Variants in PRKCH observed in about 807,000 individuals in gnomAD.
PRKCH encodes protein kinase C eta type.
In PRKCH, 28 loss-of-function variants were observed where a neutral mutation model predicts 82.5. The ratio of observed to expected loss-of-function variants is 0.34; its 90% confidence interval spans 0.25 to 0.47. The LOEUF is 0.47. Among genes scored for constraint, PRKCH ranks in the 20% least tolerant of loss-of-function variants. PRKCH has a pLI of 1.00. For missense variants in PRKCH, 705 were observed against 881.8 expected (o/e 0.80, Z 2.54); for synonymous variants, 322 against 327.4 (o/e 0.98, Z 0.18).
chr14:61,445,712 G>T lies in PRKCH; in HGVS notation c.599G>T (p.Gly200Val), dbSNP rs1479989688. 6.2e-7 allele frequency: 1 copy of T among 1,610,282 alleles called. No homozygotes were observed. Among genetic ancestry groups the T allele is most frequent in the Non-Finnish European group, 8.5e-7 (1 of 1,176,518 alleles). The change falls in exon 4 of 14, where the codon GGT becomes GTT. Residue 200 changes from glycine to valine, a missense_variant. This residue lies in a region of PRKCH where 246 missense variants were observed against 308.0 expected (regional missense o/e 0.80). Transcript: ENST00000332981. The part of the protein sequence containing the change: ...EFIWGVFGKQ[G>V]YQCQVCTCVV... ...AACAGGGGAGTGTTTGGGAAACAGG[G>T]TTATCAGTGCCAAGGTAAGGAAACA...
chr14:61,210,209 G>A (rs2044563803), intron 1 of PRKCH, among the ~76,000 whole-genome samples: 1 of 145,848 alleles, frequency 6.9e-6, no homozygotes, highest in African/African-American at 2.5e-5. Flanking sequence ...AGCTTTTCAG[G>A]AGGCTGAGGC....
intron 1 of PRKCH, among the ~76,000 whole-genome samples, chr14:61,240,594 C>T (rs539315372): frequency 2.6e-5 from 4 of 152,078 alleles, no homozygotes; most frequent in South Asian, 2.1e-4. Context: ...AAGCCTCTTT[C>T]GGTTAGAAAG....
chr14:61,451,180 T>G (rs1482546958), intron 6 of PRKCH, among the ~76,000 whole-genome samples: 1 of 152,192 alleles, frequency 6.6e-6, no homozygotes, highest in Non-Finnish European at 1.5e-5. Flanking sequence ...TCATAGGACA[T>G]TAAGTCAAAT....
intron 1 of PRKCH, among the ~76,000 whole-genome samples, chr14:61,203,067 G>C (rs960333100): frequency 2.0e-5 from 3 of 151,942 alleles, no homozygotes; most frequent in African/African-American, 7.3e-5. Context: ...TGATTATCCT[G>C]CTTGCCCTGC....
intron 1 of PRKCH, among the ~76,000 whole-genome samples, chr14:61,286,183 C>T (rs1033026589): frequency 6.6e-6 from 1 of 152,116 alleles, no homozygotes; most frequent in Non-Finnish European, 1.5e-5. Flanking sequence ...AAGATTGTTG[C>T]CTATTACTCT....
chr14:61,412,752 G>T (rs942697192), intron 2 of PRKCH, among the ~76,000 whole-genome samples: 2 of 152,142 alleles, frequency 1.3e-5, no homozygotes, highest in Non-Finnish European at 2.9e-5. Context: ...ACACCTGAAA[G>T]CCCCTTCCCA....
chr14:61,277,950 G>A (rs544963572), intron 1 of PRKCH: 3 of 152,232 alleles, frequency 2.0e-5, no homozygotes, highest in Middle Eastern at 3.4e-3. Context: ...TAAGATCATC[G>A]TTCAAAAGAA....
intron 1 of PRKCH, among the ~76,000 whole-genome samples, chr14:61,332,956 T>A (rs1015630850): frequency 4.6e-5 from 7 of 152,210 alleles, no homozygotes; most frequent in Admixed American, 1.3e-4. Context: ...CTGGTAATGG[T>A]TCCGTTGGAC....
chr14:61,532,012 C>T (rs2043049156), intron 12 of PRKCH, among the ~76,000 whole-genome samples: 2 of 152,218 alleles, frequency 1.3e-5, no homozygotes, highest in Admixed American at 6.5e-5. Context: ...ACAGCCTCAT[C>T]GTGCTGCAGA....
intron 1 of PRKCH, among the ~76,000 whole-genome samples, chr14:61,215,890 A>G (rs1334716399): frequency 6.6e-6 from 1 of 152,188 alleles, no homozygotes; most frequent in African/African-American, 2.4e-5. Flanking sequence ...AATATAGAAT[A>G]CCCTTGTGCC....
At chr14:61,516,316 A>G (rs1326935559) in intron 10 of PRKCH, among the ~76,000 whole-genome samples, 2 of 152,226 alleles carry the variant, frequency 1.3e-5, no homozygotes, top group Admixed American at 1.3e-4. Flanking sequence ...ATGTTAGTCC[A>G]GTCATCTGCT....
At chr14:61,392,923 G>A (rs1308231662) in intron 2 of PRKCH, among the ~76,000 whole-genome samples, 1 of 151,396 alleles carries the variant, frequency 6.6e-6, no homozygotes, top group East Asian at 1.9e-4. Flanking sequence ...ATTTGTGTGT[G>A]ATGTTACAGA....
chr14:61,545,310 T>A (rs2043240790), intron 12 of PRKCH: 1 of 152,226 alleles, frequency 6.6e-6, no homozygotes, highest in Non-Finnish European at 1.5e-5. Context: ...CCAGCCCCAG[T>A]GTTATTTGCC....
intron 12 of PRKCH, among the ~76,000 whole-genome samples, chr14:61,536,356 C>A (rs1340574106): frequency 6.6e-6 from 1 of 152,088 alleles, no homozygotes; most frequent in Non-Finnish European, 1.5e-5. Flanking sequence ...GGAGAGAATC[C>A]TCACTGTTGG....
At chr14:61,509,201 C>G (rs1029863511) in intron 10 of PRKCH, among the ~76,000 whole-genome samples, 1 of 152,106 alleles carries the variant, frequency 6.6e-6, no homozygotes, top group East Asian at 1.9e-4. Flanking sequence ...TTGTAAATTA[C>G]GCGTAAATAT....
chr14:61,242,467 A>G (rs1959661), intron 1 of PRKCH, among the ~76,000 whole-genome samples: 142,901 of 152,292 alleles, frequency 0.94, 67,689 homozygotes, highest in Non-Finnish European at 1. Flanking sequence ...GCACGATCTC[A>G]GCTCACCACA....
chr14:61,442,810 T>C, intron 2 of PRKCH: 1 of 206,528 alleles, frequency 4.8e-6, no homozygotes, highest in Non-Finnish European at 9.7e-6. Context: ...TGGTGGTGCA[T>C]GCCTGTAGTC....
intron 1 of PRKCH, among the ~76,000 whole-genome samples, chr14:61,381,846 T>A (rs1327335875): frequency 6.6e-6 from 1 of 152,186 alleles, no homozygotes; most frequent in Non-Finnish European, 1.5e-5. Flanking sequence ...CAGGCATGCT[T>A]GAGGCTGAGA....
rs1291110132 is a variant in PRKCH, at chr14:61,415,783, A to G, written c.427+24495A>G. On this transcript the variant is annotated intron_variant, in intron 2 of 13. Coordinates refer to ENST00000332981, the MANE Select transcript of PRKCH (RefSeq NM_006255.5). ...AAAACCATCACCACCATCCATCTCC[A>G]GAATTCTTTTCATATTGCAAAACTG... is the stretch of plus-strand genomic sequence containing the variant. Among the ~76,000 whole-genome samples, 4 of 152,276 alleles carry G rather than the reference A, an allele frequency of 2.6e-5. No individual in the cohort carries two copies. In the East Asian group the frequency reaches 7.7e-4, roughly 29 times the overall value.
Sources: allele counts gnomAD v4.1 joint callset (sites outside exome capture counted in the v4.1 genomes callset), GRCh38; gene constraint gnomAD v4.1.1; regional missense constraint gnomAD v4.1.1; transcripts MANE v1.5; gene names NCBI Gene and HGNC (gene_info 2026-07-23, HGNC 2026-07-21).